The following GABRG3 variants were observed in gnomAD, a reference collection of about 807,000 sequenced individuals.
The protein encoded by GABRG3 is gamma-aminobutyric acid type A receptor subunit gamma3.
A neutral mutation model predicts 48.8 loss-of-function variants in GABRG3; 25 were observed. The observed-to-expected ratio is 0.51, with a 90% CI of 0.37 to 0.72. GABRG3 has a LOEUF of 0.72. Among genes scored for constraint, GABRG3 ranks in the 30% least tolerant of loss-of-function variants. The pLI is 0.00. For missense variants in GABRG3, 394 were observed against 577.9 expected (o/e 0.68, Z 3.26); for synonymous variants, 227 against 217.6 (o/e 1.04, Z -0.38).
intron 5 of GABRG3, among the ~76,000 whole-genome samples, chr15:27,367,877 T>C (rs1022143882): frequency 3.9e-5 from 6 of 152,186 alleles, no homozygotes; most frequent in South Asian, 4.1e-4. Flanking sequence ...ATTGGACCAC[T>C]GTGATAAGGT....
At chr15:27,267,766 C>A (rs1052413721) in intron 3 of GABRG3, among the ~76,000 whole-genome samples, 5 of 152,104 alleles carry the variant, frequency 3.3e-5, no homozygotes, top group Non-Finnish European at 7.4e-5. Context: ...AATTATTTTT[C>A]TGCATCTATT....
At chr15:26,978,295 T>C (rs1894989457) in intron 2 of GABRG3, among the ~76,000 whole-genome samples, 1 of 152,154 alleles carries the variant, frequency 6.6e-6, no homozygotes, top group Non-Finnish European at 1.5e-5. Flanking sequence ...ATCCTTTTAA[T>C]AGCATCTTTC....
At chr15:27,403,914 C>CAAAAAAAAAAAAA (rs528760544) in intron 5 of GABRG3, among the ~76,000 whole-genome samples, 49 of 67,084 alleles carry the variant, frequency 7.3e-4, no homozygotes, top group African/African-American at 8.6e-4. Context: ...CAAAAAAAAA[C>CAAAAAAAAAAAAA]AAAAAAAAAA....
chr15:27,501,257 A>G (rs1188564114), intron 6 of GABRG3, among the ~76,000 whole-genome samples: 1 of 152,066 alleles, frequency 6.6e-6, no homozygotes, highest in Non-Finnish European at 1.5e-5. Flanking sequence ...GGCCAAAGTA[A>G]TGTATGTTTC....
intron 3 of GABRG3, among the ~76,000 whole-genome samples, chr15:27,051,929 T>G (rs1235669682): frequency 1.3e-5 from 2 of 152,152 alleles, no homozygotes; most frequent in Non-Finnish European, 1.5e-5. Flanking sequence ...CTAGATCCCT[T>G]GCATGTGCAG....
intron 3 of GABRG3, among the ~76,000 whole-genome samples, chr15:27,305,417 G>A (rs940070223): frequency 6.7e-6 from 1 of 150,200 alleles, no homozygotes; most frequent in African/African-American, 2.4e-5. Flanking sequence ...AAGACCCAAC[G>A]TGGTAAACAT....
chr15:26,989,052 CA>C (rs1895201090), intron 2 of GABRG3, among the ~76,000 whole-genome samples: 3 of 152,172 alleles, frequency 2.0e-5, no homozygotes, highest in African/African-American at 7.2e-5. Flanking sequence ...GCTACTCACT[CA>C]GGGGTAGTCA....
rs9672563 is a variant in GABRG3, at chr15:27,369,793, T to C, written c.574+40905T>C. 7.8e-3 allele frequency among the ~76,000 whole-genome samples: 891 copies of C among 114,104 alleles called. 14 individuals are homozygous for C. Among genetic ancestry groups the C allele is most frequent in the African/African-American group, 0.034 (849 of 24,806 alleles). The allele number at this position is 114,104 out of a possible 152,430, so 74.9% of individuals were successfully genotyped here. A position where few individuals can be genotyped will look rare whatever the true frequency, so the allele number is the denominator to read the frequency against. ...CTGCACTCCAGCCTGGGCGACAGAG[T>C]GAGACTCCGTCTCAAAAAAAAAAAA... On this transcript the variant is annotated intron_variant, in intron 5 of 9. Coordinates refer to ENST00000615808, the MANE Select transcript of GABRG3 (RefSeq NM_033223.5).
At chr15:27,257,858 G>A (rs927642519) in intron 3 of GABRG3, among the ~76,000 whole-genome samples, 6 of 151,090 alleles carry the variant, frequency 4.0e-5, no homozygotes, top group Non-Finnish European at 5.9e-5. Context: ...GTCCTGCTAT[G>A]TTCCTCAGAC....
intron 3 of GABRG3, among the ~76,000 whole-genome samples, chr15:27,216,354 C>T (rs1352631776): frequency 6.6e-6 from 1 of 152,190 alleles, no homozygotes. Flanking sequence ...AGACAGTGAA[C>T]ATGGGAAAGA....
chr15:27,344,953 A>G (rs571810832), intron 5 of GABRG3, among the ~76,000 whole-genome samples: 4 of 152,172 alleles, frequency 2.6e-5, no homozygotes, highest in East Asian at 1.9e-4. Flanking sequence ...TAAGGCCACT[A>G]TCTATTCTTG....
intron 3 of GABRG3, among the ~76,000 whole-genome samples, chr15:27,302,552 A>G (rs1352189913): frequency 6.6e-6 from 1 of 152,060 alleles, no homozygotes; most frequent in Non-Finnish European, 1.5e-5. Flanking sequence ...GGTGACTTCA[A>G]CATCCACACC....
intron 5 of GABRG3, among the ~76,000 whole-genome samples, chr15:27,396,641 G>C (rs1338190191): frequency 6.6e-6 from 1 of 152,138 alleles, no homozygotes; most frequent in East Asian, 1.9e-4. Flanking sequence ...CTCATTTCTA[G>C]GAAATGGAAA....
chr15:27,368,434 G>A (rs1895284083), intron 5 of GABRG3, among the ~76,000 whole-genome samples: 2 of 152,254 alleles, frequency 1.3e-5, no homozygotes, highest in Non-Finnish European at 2.9e-5. Flanking sequence ...CACAGAACCT[G>A]TGGTCTCCCT....
At chr15:27,234,688 T>G (rs142569640) in intron 3 of GABRG3, among the ~76,000 whole-genome samples, 38 of 152,344 alleles carry the variant, frequency 2.5e-4, no homozygotes, top group African/African-American at 9.1e-4. Context: ...GGTGTCTCTG[T>G]TACAGGATTT....
Position 27,179,990 on chromosome 15 carries a change from A to G in GABRG3, c.271-146819A>G, listed in dbSNP as rs1222856240. ...AGCTGCAGCACTTCTCTCTGGCGGT[A>G]CATTTTGCACACTCATGGTTACATG... On this transcript the variant is annotated intron_variant, in intron 3 of 9. Coordinates refer to ENST00000615808, the MANE Select transcript of GABRG3 (RefSeq NM_033223.5). This position sits in a 1 kb window ranked among gnomAD's most constrained non-coding sequence, Gnocchi z 4.0. 1.3e-5 allele frequency among the ~76,000 whole-genome samples: 2 copies of G among 152,132 alleles called. No homozygotes were observed. The highest frequency in any genetic ancestry group is 2.9e-5 in the Non-Finnish European group (2 of 68,034).
chr15:27,422,282 G>C (rs1888145794), intron 5 of GABRG3: 1 of 152,768 alleles, frequency 6.5e-6, no homozygotes, highest in East Asian at 1.9e-4. Context: ...AATACTGAGT[G>C]TTCTGAGGCA....
intron 2 of GABRG3, among the ~76,000 whole-genome samples, chr15:27,013,167 A>G (rs1262921561): frequency 1.3e-5 from 2 of 152,158 alleles, no homozygotes; most frequent in African/African-American, 4.8e-5. Context: ...ATCTTAACAT[A>G]TTCGTCCTTT....
At chr15:27,165,673 A>G (rs116809178) in intron 3 of GABRG3, among the ~76,000 whole-genome samples, 89 of 152,036 alleles carry the variant, frequency 5.9e-4, no homozygotes, top group African/African-American at 2.1e-3. Context: ...TCCTCACACA[A>G]TAATTTAAGT....
Sources: gnomAD v4.1 joint callset for allele counts (sites outside exome capture counted in the v4.1 genomes callset) on GRCh38, gnomAD v4.1.1 for gene constraint, Gnocchi (gnomAD v3.1) non-coding constraint, MANE v1.5 for transcripts, NCBI Gene and HGNC (gene_info 2026-07-23, HGNC 2026-07-21) for gene names.